ANKRD13C: variants seen among roughly 807,000 people sequenced by gnomAD.
The protein encoded by ANKRD13C is ankyrin repeat domain-containing protein 13C.
ANKRD13C carries 16 observed loss-of-function variants against 65.5 expected under a neutral mutation model. The observed-to-expected ratio is 0.24, with a 90% CI of 0.17 to 0.37. The LOEUF is 0.37. Among genes scored for constraint, ANKRD13C ranks in the 10% least tolerant of loss-of-function variants. The pLI is 1.00. For missense variants in ANKRD13C, 503 were observed against 655.9 expected (o/e 0.77, Z 2.55); for synonymous variants, 235 against 238.7 (o/e 0.98, Z 0.14).
chr1:70,327,518 A>G (rs1423346627), intron 2 of ANKRD13C, among the ~76,000 whole-genome samples: 1 of 152,214 alleles, frequency 6.6e-6, no homozygotes, highest in Admixed American at 6.5e-5. Flanking sequence ...ACCAAATGCA[A>G]TGAGTCACTC....
At chr1:70,289,140 T>C (rs1025363743) in intron 9 of ANKRD13C, among the ~76,000 whole-genome samples, 1 of 152,220 alleles carries the variant, frequency 6.6e-6, no homozygotes, top group African/African-American at 2.4e-5. Context: ...ATGGGAAGTG[T>C]TTCCTTTAAT....
rs1221457757 is a variant in ANKRD13C, at chr1:70,300,818, T to A, written c.867A>T (p.Glu289Asp). 6.2e-7 allele frequency: 1 copy of A among 1,613,500 alleles called. No individual in the cohort carries two copies. Residue 289 changes from glutamate (E) to aspartate (D), a missense_variant, in exon 7 of 13, where the codon GAA becomes GAT. Around this residue, in one of 2 missense-constraint regions of ANKRD13C, gnomAD observed 300 missense variants for 478.3 expected, o/e 0.63. Coordinates refer to ENST00000370944, the MANE Select transcript of ANKRD13C (RefSeq NM_030816.5). ...FIFNGDAAPSESFVVLDNEQK... is the reference protein window; with the variant it reads ...FIFNGDAAPSDSFVVLDNEQK... ...GTTCATTGTCTAATACTACAAAAGA[T>A]TCAGAGGGCGCCGCATCCCCATTGA...
At chr1:70,344,152 G>A (rs1383825643) in intron 1 of ANKRD13C, among the ~76,000 whole-genome samples, 1 of 151,972 alleles carries the variant, frequency 6.6e-6, no homozygotes, top group Non-Finnish European at 1.5e-5. Context: ...ACAAAAATCA[G>A]CCAGGTGTGG....
At chr1:70,281,170 T>C (rs143283666) in intron 9 of ANKRD13C, among the ~76,000 whole-genome samples, 6 of 152,184 alleles carry the variant, frequency 3.9e-5, no homozygotes, top group African/African-American at 1.2e-4. Flanking sequence ...TGTGGTGATA[T>C]GACGGAAGAA....
chr1:70,304,097 A>G (rs1289613248), intron 6 of ANKRD13C, among the ~76,000 whole-genome samples: 1 of 152,160 alleles, frequency 6.6e-6, no homozygotes, highest in East Asian at 1.9e-4. Flanking sequence ...GTTGGAATAC[A>G]GTGGCACGAT....
intron 1 of ANKRD13C, among the ~76,000 whole-genome samples, chr1:70,351,031 C>G (rs2101645183): frequency 6.6e-6 from 1 of 152,266 alleles, no homozygotes; most frequent in Admixed American, 6.5e-5. Context: ...CATGGTGGCA[C>G]ACGCCTGTGG....
intron 2 of ANKRD13C, among the ~76,000 whole-genome samples, chr1:70,335,181 C>T (rs1478179118): frequency 2.0e-5 from 3 of 151,852 alleles, no homozygotes; most frequent in Non-Finnish European, 4.4e-5. Flanking sequence ...CCGAGGCAGG[C>T]GGATCATGAG....
In ANKRD13C at chr1:70,274,046, C is replaced by T. The variant is rs151156750; in HGVS notation, c.1394+674G>A. 7.2e-5 allele frequency among the ~76,000 whole-genome samples: 11 copies of T among 152,192 alleles called. No homozygotes were observed. The East Asian group carries it at 1.5e-3, about 21-fold the overall frequency. On this transcript the variant is annotated intron_variant, in intron 11 of 12. Coordinates refer to ENST00000370944, the MANE Select transcript of ANKRD13C (RefSeq NM_030816.5). ...TTTTATTTTAAAAAATGCAAAAACA[C>T]GGATAACTCTAGACAAAAATACAAT...
At position 70,262,775 on chromosome 1, in the gene ANKRD13C, G is replaced by A; in HGVS notation, c.1568C>T (p.Ser523Phe). 1 of 1,613,624 alleles carries A rather than the reference G, an allele frequency of 6.2e-7. No individual in the cohort carries two copies. The highest frequency in any genetic ancestry group is 8.5e-7 in the Non-Finnish European group (1 of 1,179,718). Residue 523 changes from serine to phenylalanine, a missense_variant, in exon 13 of 13, where the codon TCC (serine) becomes TTC (phenylalanine). Ser to Phe is a radical substitution (Grantham distance 155). Coordinates refer to ENST00000370944, the MANE Select transcript of ANKRD13C (RefSeq NM_030816.5). Reference protein sequence around the residue: ...QEFRYDEFDGSIFTIPDDYKE... With the variant: ...QEFRYDEFDGFIFTIPDDYKE... Reference sequence around the variant, plus strand: ...GTAGTCATCAGGTATAGTAAAGATGGAGCCATCAAATTCATCGTATCGAAA... The same window carrying A: ...GTAGTCATCAGGTATAGTAAAGATGAAGCCATCAAATTCATCGTATCGAAA...
intron 12 of ANKRD13C, among the ~76,000 whole-genome samples, chr1:70,269,694 A>G (rs892240648): frequency 1.3e-5 from 2 of 151,980 alleles, no homozygotes; most frequent in Non-Finnish European, 2.9e-5. Context: ...AACTAGAGTG[A>G]CATTTTGAAA....
At position 70,319,652 on chromosome 1, in the gene ANKRD13C, C is replaced by CTT. The variant is rs57930157; in HGVS notation, c.578-4088_578-4087dup. 5.4e-3 allele frequency among the ~76,000 whole-genome samples: 761 copies of CTT among 140,134 alleles called. 10 individuals carry two copies. The highest frequency in any genetic ancestry group is 0.041 in the South Asian group (180 of 4,396). The allele number at this position is 140,134 out of a possible 152,430, so 91.9% of individuals were successfully genotyped here. On this transcript the variant is annotated intron_variant, in intron 3 of 12. Coordinates refer to ENST00000370944, the MANE Select transcript of ANKRD13C (RefSeq NM_030816.5). Reference sequence around the variant, plus strand: ...ATACATATTGTTCCCTAGCATATGCCTTTTTTTTTTTTTAATATTTCCATG... The same window carrying CTT: ...ATACATATTGTTCCCTAGCATATGCCTTTTTTTTTTTTTTTAATATTTCCATG...
At chr1:70,301,047 C>A in intron 6 of ANKRD13C, 139 bp from the exon 7 acceptor site, 2 of 749,368 alleles carry the variant, frequency 2.7e-6, no homozygotes, top group Non-Finnish European at 2.0e-6. Flanking sequence ...TAGATAAAAA[C>A]AAATTTATAG....
intron 5 of ANKRD13C, among the ~76,000 whole-genome samples, chr1:70,311,782 T>C (rs997317599): frequency 6.6e-6 from 1 of 152,204 alleles, no homozygotes; most frequent in South Asian, 2.1e-4. Flanking sequence ...ATTAAATAAC[T>C]TGTATTAGTC....
chr1:70,299,622 AAC>A (rs1480549986), intron 7 of ANKRD13C, among the ~76,000 whole-genome samples: 1 of 152,250 alleles, frequency 6.6e-6, no homozygotes, highest in Admixed American at 6.5e-5. Flanking sequence ...CTGATGAGAA[AAC>A]ACAGAGTACA....
Position 70,340,466 on chromosome 1 carries a change from T to C in ANKRD13C, c.431-4367A>G, listed in dbSNP as rs897725539. Among the ~76,000 whole-genome samples the C allele has an allele frequency of 4.6e-5, 7 of 152,236 alleles. No homozygotes were observed. The South Asian group carries it at 1.2e-3, about 27-fold the overall frequency. ...GCTTTATGGTTGAGTCTGACCAATT[T>C]TTGTAAATGCTGTCTATATCCTTGC... On this transcript the variant is annotated intron_variant, in intron 1 of 12. Coordinates refer to ENST00000370944, the MANE Select transcript of ANKRD13C (RefSeq NM_030816.5).
At chr1:70,304,187 G>A (rs1160731001) in intron 6 of ANKRD13C, among the ~76,000 whole-genome samples, 1 of 151,326 alleles carries the variant, frequency 6.6e-6, no homozygotes, top group African/African-American at 2.4e-5. Context: ...GACTACAAGT[G>A]CGTGCCACCA....
chr1:70,285,987 T>C (rs1679607730), intron 9 of ANKRD13C, among the ~76,000 whole-genome samples: 1 of 152,166 alleles, frequency 6.6e-6, no homozygotes, highest in Non-Finnish European at 1.5e-5. Flanking sequence ...CAAACATTTA[T>C]TTTCTTCTTT....
intron 8 of ANKRD13C, 48 bp from the exon 9 acceptor site, chr1:70,292,597 A>T: frequency 7.2e-7 from 1 of 1,393,446 alleles, no homozygotes; most frequent in Non-Finnish European, 9.8e-7. Flanking sequence ...GGTTAAAAAA[A>T]GTGTCAAGGT....
At chr1:70,282,110 A>G (rs1454947116) in intron 9 of ANKRD13C, among the ~76,000 whole-genome samples, 1 of 132,412 alleles carries the variant, frequency 7.6e-6, no homozygotes, top group African/African-American at 3.0e-5. Context: ...GCTGGAGTGT[A>G]GTAGCGCGAT....
Sources: allele counts gnomAD v4.1 joint callset (sites outside exome capture counted in the v4.1 genomes callset), GRCh38; gene constraint gnomAD v4.1.1; regional missense constraint gnomAD v4.1.1; transcripts MANE v1.5; gene names NCBI Gene and HGNC (gene_info 2026-07-23, HGNC 2026-07-21).